VPS13A: variants seen among roughly 807,000 people sequenced by gnomAD.
The protein encoded by VPS13A is intermembrane lipid transfer protein VPS13A.
VPS13A carries 264 observed loss-of-function variants against 390.9 expected under a neutral mutation model. The observed-to-expected ratio is 0.68, with a 90% confidence interval of 0.61 to 0.75. The LOEUF (loss-of-function observed/expected upper bound fraction) is 0.75, where lower values mean the gene tolerates loss of function less well. Ranked by LOEUF, VPS13A falls within the 30% of genes least tolerant of loss-of-function variation. The probability of loss-of-function intolerance (pLI) is 0.00; values close to 1 mark genes in which losing one functional copy is unlikely to be tolerated. For missense variants in VPS13A, 3,409 were observed against 3,733.9 expected, an observed-to-expected ratio of 0.91 and a Z score of 2.27; for synonymous variants, 1,231 against 1,227.1, an observed-to-expected ratio of 1.00 and a Z score of -0.07.
intron 68 of VPS13A, among the ~76,000 whole-genome samples, chr9:77,396,178 CTA>C (rs1834112641): frequency 6.6e-6 from 1 of 152,176 alleles, no homozygotes; most frequent in Admixed American, 6.5e-5. Flanking sequence ...GTACATATAA[CTA>C]TTTGATGAGC....
chr9:77,208,635 C>G (rs999576803), intron 5 of VPS13A, among the ~76,000 whole-genome samples: 2 of 148,874 alleles, frequency 1.3e-5, no homozygotes, highest in Non-Finnish European at 3.0e-5. Flanking sequence ...CTGCAGCCTC[C>G]ACCTCTCTGG....
chr9:77,344,234 T>A lies in VPS13A; in HGVS notation c.7108T>A (p.Tyr2370Asn), dbSNP rs1321760494. Residue 2370 changes from tyrosine (Y) to asparagine (N), a missense_variant, in exon 51 of 72, where the codon TAT becomes AAT. Coordinates refer to ENST00000360280, the MANE Select transcript of VPS13A (RefSeq NM_033305.3). ...GAGTGAAGATCCTCCCAAAAGGATA[T>A]ATTTTAACAAGCAGGAAAATTGTAT... ...ERSEDPPKRI[Y>N]FNKQENCILL... is the part of the protein sequence containing the mutation. 6.2e-7 allele frequency: 1 copy of A among 1,613,548 alleles called. No individual in the cohort carries two copies. The highest frequency in any genetic ancestry group is 8.5e-7 in the Non-Finnish European group (1 of 1,179,676).
intron 23 of VPS13A, among the ~76,000 whole-genome samples, chr9:77,270,084 T>C (rs72744213): frequency 0.055 from 8,331 of 152,272 alleles, 335 homozygotes; most frequent in South Asian, 0.12. Flanking sequence ...TATTTTGTTA[T>C]GGCAGCTCTG....
At chr9:77,220,708 C>G (rs1823162607) in intron 12 of VPS13A, among the ~76,000 whole-genome samples, 1 of 152,056 alleles carries the variant, frequency 6.6e-6, no homozygotes, top group Non-Finnish European at 1.5e-5. Flanking sequence ...CAACCCCCAC[C>G]TCAGCTTCCC....
intron 19 of VPS13A, among the ~76,000 whole-genome samples, chr9:77,244,504 A>G (rs1824695880): frequency 6.6e-6 from 1 of 152,096 alleles, no homozygotes; most frequent in South Asian, 2.1e-4. Context: ...TCTGCTGTGA[A>G]ACCACCTGAG....
At chr9:77,310,558 C>A (rs1276848888) in intron 35 of VPS13A, among the ~76,000 whole-genome samples, 1 of 152,168 alleles carries the variant, frequency 6.6e-6, no homozygotes, top group Non-Finnish European at 1.5e-5. Flanking sequence ...TCTTATTTTT[C>A]AGAGATGCAC....
At chr9:77,316,591 G>A (rs975421076) in intron 39 of VPS13A, among the ~76,000 whole-genome samples, 185 bp downstream of exon 39, 1 of 152,014 alleles carries the variant, frequency 6.6e-6, no homozygotes. Context: ...TCTTCCAGAT[G>A]CTGCTCATTA....
intron 25 of VPS13A, 69 bp from the exon 26 acceptor site, chr9:77,275,996 G>A (rs1406236570): frequency 1.3e-6 from 2 of 1,514,224 alleles, no homozygotes; most frequent in Non-Finnish European, 1.8e-6. Context: ...ATATTCACAT[G>A]TAACCACTAT....
At chr9:77,203,199 T>G (rs1589990787) in intron 3 of VPS13A, among the ~76,000 whole-genome samples, 1 of 152,110 alleles carries the variant, frequency 6.6e-6, no homozygotes, top group South Asian at 2.1e-4. Context: ...CTGTGGAAGG[T>G]TTTTGGAATT....
intron 17 of VPS13A, among the ~76,000 whole-genome samples, chr9:77,229,638 A>G (rs1401434456): frequency 6.6e-6 from 1 of 152,160 alleles, no homozygotes; most frequent in Non-Finnish European, 1.5e-5. Context: ...AATCTCTATT[A>G]TGGACGCATC....
intron 19 of VPS13A, among the ~76,000 whole-genome samples, chr9:77,246,049 A>G (rs1457537524): frequency 6.6e-6 from 1 of 152,178 alleles, no homozygotes; most frequent in East Asian, 1.9e-4. Context: ...GACAACATCA[A>G]GCCATTTGTG....
chr9:77,323,778 A>C (rs527571496), intron 45 of VPS13A, among the ~76,000 whole-genome samples: 1 of 152,206 alleles, frequency 6.6e-6, no homozygotes, highest in African/African-American at 2.4e-5. Context: ...AGGATTTTAC[A>C]TAAGTGGAAT....
chr9:77,204,829 A>AT (rs1408604386), intron 3 of VPS13A, among the ~76,000 whole-genome samples: 7 of 152,074 alleles, frequency 4.6e-5, no homozygotes, highest in African/African-American at 1.7e-4. Context: ...GGGTTTTGCC[A>AT]TGTTGCCTAG....
intron 23 of VPS13A, among the ~76,000 whole-genome samples, chr9:77,263,308 C>A (rs928094697): frequency 3.3e-5 from 5 of 151,934 alleles, no homozygotes; most frequent in Admixed American, 2.6e-4. Flanking sequence ...GGGGTTTCAC[C>A]ATTTTAGCCA....
Position 77,420,533 on chromosome 9 carries a change from T to C in VPS13A, c.*4527T>C, listed in dbSNP as rs1292038199. 1 of 152,206 alleles carries C rather than the reference T, an allele frequency of 6.6e-6. No individual in the cohort carries two copies. The highest frequency in any genetic ancestry group is 1.5e-5 in the Non-Finnish European group (1 of 68,036). The allele number at this position is 152,206 out of a possible 1,614,324, so 9.4% of individuals were successfully genotyped here. ...AGCTATACAAGAAATATAACTTCAATTTTTTAGGTTGATATGGGTATATTT... is the reference window on the plus strand; with the variant it reads ...AGCTATACAAGAAATATAACTTCAACTTTTTAGGTTGATATGGGTATATTT... On this transcript the variant is annotated 3_prime_UTR_variant, in exon 72 of 72. Transcript: ENST00000360280.
intron 17 of VPS13A, among the ~76,000 whole-genome samples, chr9:77,228,953 A>G (rs1311137076): frequency 6.6e-6 from 1 of 152,182 alleles, no homozygotes; most frequent in Non-Finnish European, 1.5e-5. Context: ...CCATGATTCA[A>G]ATTATCTCCC....
At chr9:77,406,971 C>T (rs149346511) in intron 70 of VPS13A, among the ~76,000 whole-genome samples, 31 of 152,236 alleles carry the variant, frequency 2.0e-4, no homozygotes, top group South Asian at 1.2e-3. Context: ...ATAATACCAA[C>T]GGAGCATAAA....
At position 77,323,117 on chromosome 9, in the gene VPS13A, C is replaced by A; in HGVS notation, c.5881C>A (p.Arg1961=). Residue 1961 remains arginine (R), a synonymous_variant, in exon 45 of 72, where the codon CGA becomes AGA. Transcript: ENST00000360280. ...TAAGATTCCTTTAACAAAAGTGGGA[C>A]GACGTCTGTACACTGTAAGACACAG... ...ADKIPLTKVG[R]RLYTVRHRES... 6.2e-7 allele frequency: 1 copy of A among 1,613,092 alleles called. No individual in the cohort carries two copies. The highest frequency in any genetic ancestry group is 8.5e-7 in the Non-Finnish European group (1 of 1,179,392).
At chr9:77,336,360 A>G (rs1474662413) in intron 46 of VPS13A, among the ~76,000 whole-genome samples, 1 of 152,214 alleles carries the variant, frequency 6.6e-6, no homozygotes, top group South Asian at 2.1e-4. Context: ...AATTAAAACA[A>G]AAACACTAAA....
Sources: allele counts gnomAD v4.1 joint callset (sites outside exome capture counted in the v4.1 genomes callset), GRCh38; gene constraint gnomAD v4.1.1; transcripts MANE v1.5; gene names NCBI Gene and HGNC (gene_info 2026-07-23, HGNC 2026-07-21).